Variants in TNFSF4 observed in about 807,000 individuals in gnomAD.
TNFSF4 encodes the protein tumor necrosis factor ligand superfamily member 4.
Under a neutral mutation model 7.3 loss-of-function variants are expected in TNFSF4, and 4 were observed. That is an observed-to-expected ratio of 0.55 (90% CI 0.27 to 1.25). The LOEUF is 1.25. Ranked by LOEUF, TNFSF4 falls within the 50% of genes most tolerant of loss-of-function variation. The pLI is 0.12. For missense variants in TNFSF4, 181 were observed against 208.8 expected (o/e 0.87, Z 0.82); for synonymous variants, 76 against 83.7 (o/e 0.91, Z 0.50).
chr1:173,375,025 G>A, the TNFSF4 span, among the ~76,000 whole-genome samples: 84 of 152,246 alleles, frequency 5.5e-4, no homozygotes, highest in African/African-American at 1.9e-3. Flanking sequence ...CTCCAAAACC[G>A]CTGAGGCCTA....
the TNFSF4 span, among the ~76,000 whole-genome samples, chr1:173,415,035 CT>C: frequency 6.6e-6 from 1 of 152,330 alleles, no homozygotes; most frequent in East Asian, 1.9e-4. Context: ...AATCAAGTTC[CT>C]GTTAGTAATT....
At chr1:173,403,679 G>A in the TNFSF4 span, among the ~76,000 whole-genome samples, 5 of 152,192 alleles carry the variant, frequency 3.3e-5, no homozygotes, top group Admixed American at 1.3e-4. Flanking sequence ...CAAGGCAGGT[G>A]GATCACGAGG....
the TNFSF4 span, among the ~76,000 whole-genome samples, chr1:173,229,812 G>A: frequency 7.2e-5 from 11 of 151,848 alleles, no homozygotes; most frequent in Admixed American, 3.9e-4. Context: ...ACTTTAAACC[G>A]ACAAAGATCA....
chr1:173,212,855 T>A, the TNFSF4 span, among the ~76,000 whole-genome samples: 3 of 151,898 alleles, frequency 2.0e-5, no homozygotes, highest in Non-Finnish European at 4.4e-5. Context: ...AAAACTTTTT[T>A]AAATAAAAAA....
At chr1:173,234,050 T>C in the TNFSF4 span, among the ~76,000 whole-genome samples, 20 of 152,244 alleles carry the variant, frequency 1.3e-4, no homozygotes, top group Admixed American at 7.2e-4. Flanking sequence ...TCTACTCATC[T>C]GACAAAGGGC....
At chr1:173,391,331 TCATGCACACTAGATTAG>T in the TNFSF4 span, among the ~76,000 whole-genome samples, 5 of 144,378 alleles carry the variant, frequency 3.5e-5, no homozygotes, top group Admixed American at 7.2e-5. Flanking sequence ...TCTCTCTCTC[TCATGCACACTAGATTAG>T]CTCTCTCTGA....
the TNFSF4 span, among the ~76,000 whole-genome samples, chr1:173,364,383 A>G: frequency 1.1e-4 from 16 of 142,090 alleles, no homozygotes; most frequent in African/African-American, 3.0e-4. Context: ...GTGTATGTGT[A>G]TATATATATA....
chr1:173,408,564 T>C, the TNFSF4 span, among the ~76,000 whole-genome samples: 3 of 151,774 alleles, frequency 2.0e-5, no homozygotes, highest in Non-Finnish European at 4.4e-5. Context: ...ATGCTAAAAC[T>C]AATGGATGAA....
At chr1:173,219,966 G>C in the TNFSF4 span, among the ~76,000 whole-genome samples, 8 of 151,910 alleles carry the variant, frequency 5.3e-5, no homozygotes, top group Non-Finnish European at 8.8e-5. Context: ...CGGGTGATGG[G>C]TGCACCAAAG....
At chr1:173,226,149 T>C in the TNFSF4 span, among the ~76,000 whole-genome samples, 33 of 152,208 alleles carry the variant, frequency 2.2e-4, no homozygotes, top group Admixed American at 1.3e-3. Context: ...CAGACTATGA[T>C]CACACAATAA....
the TNFSF4 span, among the ~76,000 whole-genome samples, chr1:173,262,280 TC>T: frequency 1.3e-5 from 2 of 152,096 alleles, no homozygotes; most frequent in Admixed American, 1.3e-4. Flanking sequence ...AAATTCAACA[TC>T]CCTTCATGTT....
chr1:173,219,217 CAGG>C, the TNFSF4 span, among the ~76,000 whole-genome samples: 1 of 152,184 alleles, frequency 6.6e-6, no homozygotes, highest in Non-Finnish European at 1.5e-5. Context: ...CTAGCTAACA[CAGG>C]AGTTTTTGAA....
the TNFSF4 span, among the ~76,000 whole-genome samples, chr1:173,445,188 C>G: frequency 6.6e-6 from 1 of 152,052 alleles, no homozygotes. Context: ...GGACAAAATA[C>G]AAAAAACAAC....
At chr1:173,237,646 T>A in the TNFSF4 span, among the ~76,000 whole-genome samples, 1 of 152,122 alleles carries the variant, frequency 6.6e-6, no homozygotes, top group African/African-American at 2.4e-5. Flanking sequence ...AGGAATGCAA[T>A]CCCATTCACA....
the TNFSF4 span, among the ~76,000 whole-genome samples, chr1:173,271,166 T>C: frequency 6.6e-6 from 1 of 152,292 alleles, no homozygotes; most frequent in South Asian, 2.1e-4. Context: ...CATTTGTTTA[T>C]TTTGGCTTTT....
the TNFSF4 span, among the ~76,000 whole-genome samples, chr1:173,446,452 G>A: frequency 6.6e-6 from 1 of 152,180 alleles, no homozygotes; most frequent in Non-Finnish European, 1.5e-5. Context: ...CCTTCAGTAA[G>A]TGAATGAATA....
At chr1:173,359,747 G>A in the TNFSF4 span, among the ~76,000 whole-genome samples, 19 of 152,136 alleles carry the variant, frequency 1.2e-4, no homozygotes, top group African/African-American at 4.6e-4. Context: ...TTTAAGGGCA[G>A]GTCTGCTAAG....
chr1:173,313,543 C>T, the TNFSF4 span, among the ~76,000 whole-genome samples: 4 of 152,026 alleles, frequency 2.6e-5, no homozygotes, highest in African/African-American at 9.7e-5. Flanking sequence ...TGCTGCATAG[C>T]TCTGTTCTCC....
chr1:173,339,778 T>C, the TNFSF4 span, among the ~76,000 whole-genome samples: 1 of 152,184 alleles, frequency 6.6e-6, no homozygotes, highest in South Asian at 2.1e-4. Context: ...GATAGTTGTA[T>C]CATGTTAGGG....
Sources: allele counts gnomAD v4.1 joint callset (sites outside exome capture counted in the v4.1 genomes callset), GRCh38; gene constraint gnomAD v4.1.1; transcripts MANE v1.5; gene names NCBI Gene and HGNC (gene_info 2026-07-23, HGNC 2026-07-21).